HEPACAM2: variants seen among roughly 807,000 people sequenced by gnomAD.
The protein encoded by HEPACAM2 is HEPACAM family member 2, also known as mitotic kinetics regulator.
Under a neutral mutation model 49.6 loss-of-function variants are expected in HEPACAM2, and 49 were observed. That is an observed-to-expected ratio of 0.99 (90% confidence interval 0.78 to 1.25). HEPACAM2 has a LOEUF of 1.25. Among genes scored for constraint, HEPACAM2 ranks in the 50% most tolerant of loss-of-function variants. The probability of loss-of-function intolerance (pLI) is 0.00; values close to 1 mark genes in which losing one functional copy is unlikely to be tolerated. For missense variants in HEPACAM2, 525 were observed against 557.2 expected (o/e 0.94, Z 0.58); for synonymous variants, 197 against 202.9 (o/e 0.97, Z 0.25).
intron 8 of HEPACAM2, among the ~76,000 whole-genome samples, chr7:93,193,578 C>T (rs1365986848): frequency 6.6e-6 from 1 of 152,102 alleles, no homozygotes; most frequent in African/African-American, 2.4e-5. Flanking sequence ...CATTTGTGTA[C>T]ATACCACACA....
At chr7:93,207,390 A>G (rs1242960200) in intron 4 of HEPACAM2, among the ~76,000 whole-genome samples, 1 of 152,008 alleles carries the variant, frequency 6.6e-6, no homozygotes, top group African/African-American at 2.4e-5. Context: ...GGAGAGTCTG[A>G]GAAGGACTTA....
chr7:93,209,771 T>C (rs1053606305), intron 3 of HEPACAM2, among the ~76,000 whole-genome samples: 5 of 152,014 alleles, frequency 3.3e-5, no homozygotes, highest in Non-Finnish European at 5.9e-5. Context: ...TTCAGTATTA[T>C]CTATTTTTCT....
chr7:93,190,009 T>G (rs1342508563), intron 9 of HEPACAM2, among the ~76,000 whole-genome samples: 1 of 152,018 alleles, frequency 6.6e-6, no homozygotes, highest in Non-Finnish European at 1.5e-5. Flanking sequence ...GAAATATTTA[T>G]TTTACTAAGA....
intron 7 of HEPACAM2, among the ~76,000 whole-genome samples, chr7:93,196,402 T>A (rs80180040): frequency 6.6e-6 from 1 of 152,062 alleles, no homozygotes; most frequent in Non-Finnish European, 1.5e-5. Flanking sequence ...TAAACTATCA[T>A]CTATAGAATG....
intron 4 of HEPACAM2, among the ~76,000 whole-genome samples, chr7:93,206,776 A>G (rs1794040111): frequency 6.6e-6 from 1 of 152,048 alleles, no homozygotes; most frequent in Admixed American, 6.6e-5. Context: ...AACCCCCACC[A>G]TGACAATATA....
Position 93,197,236 on chromosome 7 carries a change from A to G in HEPACAM2, c.1201+5T>C, listed in dbSNP as rs368690038. 30 of 1,608,842 alleles carry G rather than the reference A, an allele frequency of 1.9e-5. No homozygotes were observed. Among genetic ancestry groups the G allele is most frequent in the Non-Finnish European group, 2.5e-5 (29 of 1,177,480 alleles). ...GATAATAGCCCTTTTCAGCTTGGCC[A>G]TTACCTGAAAATGTTTGAGCTTTCC... is the stretch of plus-strand genomic sequence containing the variant. On this transcript the variant is annotated splice_donor_5th_base_variant and intron_variant, in intron 7 of 9. Transcript: ENST00000394468.
chr7:93,213,623 A>G (rs1053735658), intron 3 of HEPACAM2, among the ~76,000 whole-genome samples: 1 of 152,124 alleles, frequency 6.6e-6, no homozygotes, highest in African/African-American at 2.4e-5. Flanking sequence ...AAGAAACTTT[A>G]TTGATTTCTT....
At chr7:93,224,194 G>A (rs970228368) in intron 1 of HEPACAM2, among the ~76,000 whole-genome samples, 3 of 152,090 alleles carry the variant, frequency 2.0e-5, no homozygotes, top group Admixed American at 2.0e-4. Context: ...TTAGGGGACT[G>A]AGGTGGCAGA....
intron 4 of HEPACAM2, among the ~76,000 whole-genome samples, chr7:93,206,906 TC>T: frequency 6.6e-6 from 1 of 152,234 alleles, no homozygotes. Context: ...TCTTCATGGC[TC>T]TTTAGGAACT....
the HEPACAM2 span, chr7:93,232,273 C>CT: frequency 1.8e-6 from 1 of 560,712 alleles, no homozygotes; most frequent in African/African-American, 1.9e-5. Context: ...GGGTTGGCCA[C>CT]TTTAGTTCAT....
In HEPACAM2 at chr7:93,197,254, A is replaced by G; in HGVS notation, c.1188T>C (p.Ala396=). 6.2e-7 allele frequency: 1 copy of G among 1,610,492 alleles called. No homozygotes were observed. The highest frequency in any genetic ancestry group is 8.5e-7 in the Non-Finnish European group (1 of 1,178,282). Residue 396 remains alanine (A), a synonymous_variant, in exon 7 of 10, where the codon GCT becomes GCC. Coordinates refer to ENST00000394468, the MANE Select transcript of HEPACAM2 (RefSeq NM_001039372.4). The stretch of plus-strand genomic sequence containing the variant: ...CTTGGCCATTACCTGAAAATGTTTG[A>G]GCTTTCCTGTATTCTGTTTCTGGCC... The part of the protein sequence containing the change: ...EGRPETEYRK[A]QTFSGHEDAL...
At chr7:93,222,843 G>C (rs1794475790) in intron 1 of HEPACAM2, among the ~76,000 whole-genome samples, 1 of 152,142 alleles carries the variant, frequency 6.6e-6, no homozygotes, top group Non-Finnish European at 1.5e-5. Flanking sequence ...AGAGTTTTGA[G>C]AGGACCCAAA....
chr7:93,220,028 G>T (rs557317966), intron 1 of HEPACAM2, among the ~76,000 whole-genome samples: 1 of 152,162 alleles, frequency 6.6e-6, no homozygotes, highest in African/African-American at 2.4e-5. Flanking sequence ...CATCTGGTTG[G>T]TGTATTTGAG....
At chr7:93,191,730 A>G (rs891099449) in intron 9 of HEPACAM2, among the ~76,000 whole-genome samples, 1 of 152,054 alleles carries the variant, frequency 6.6e-6, no homozygotes, top group South Asian at 2.1e-4. Context: ...TTTGTCCTCT[A>G]TGGGTGAGAG....
At chr7:93,210,902 T>A (rs1348075082) in intron 3 of HEPACAM2, among the ~76,000 whole-genome samples, 1 of 151,998 alleles carries the variant, frequency 6.6e-6, no homozygotes, top group Non-Finnish European at 1.5e-5. Context: ...GTTAGAGGAC[T>A]GATTGCCAAG....
upstream of HEPACAM2, chr7:93,226,523 G>GCAAGA: frequency 9.5e-7 from 1 of 1,055,232 alleles, no homozygotes; most frequent in Non-Finnish European, 1.5e-6. Context: ...TAGCAGTGAG[G>GCAAGA]TAACAGACCC....
intron 1 of HEPACAM2, 134 bp from the exon 2 acceptor site, chr7:93,219,585 G>T: frequency 6.8e-7 from 1 of 1,472,034 alleles, no homozygotes; most frequent in South Asian, 1.4e-5. Context: ...GACTATTCTA[G>T]TACTGGTTAC....
chr7:93,220,523 T>G (rs959854681), intron 1 of HEPACAM2, among the ~76,000 whole-genome samples: 4 of 152,108 alleles, frequency 2.6e-5, no homozygotes, highest in Non-Finnish European at 4.4e-5. Flanking sequence ...GGGAGAATAG[T>G]TTTTGTGGGG....
chr7:93,220,956 G>C (rs1441624025), intron 1 of HEPACAM2, among the ~76,000 whole-genome samples: 1 of 152,092 alleles, frequency 6.6e-6, no homozygotes, highest in Non-Finnish European at 1.5e-5. Flanking sequence ...TAATAGAGGA[G>C]AGAGTGAGAG....
Sources: gnomAD v4.1 joint callset for allele counts (sites outside exome capture counted in the v4.1 genomes callset) on GRCh38, gnomAD v4.1.1 for gene constraint, MANE v1.5 for transcripts, NCBI Gene and HGNC (gene_info 2026-07-23, HGNC 2026-07-21) for gene names.